The following CYRIA variants were observed in gnomAD, a reference collection of about 807,000 sequenced individuals.
CYRIA encodes the protein CYFIP-related Rac1 interactor A.
CYRIA carries 15 observed loss-of-function variants against 43.9 expected under a neutral mutation model. The observed-to-expected ratio is 0.34, with a 90% CI of 0.23 to 0.53. The LOEUF is 0.53. Among genes scored for constraint, CYRIA ranks in the 20% least tolerant of loss-of-function variants. CYRIA has a pLI of 0.94. For missense variants in CYRIA, 236 were observed against 394.2 expected, an observed-to-expected ratio of 0.60 and a Z score of 3.40; for synonymous variants, 117 against 136.0, an observed-to-expected ratio of 0.86 and a Z score of 0.97.
chr2:16,631,184 A>G (rs1669320627), intron 1 of CYRIA, among the ~76,000 whole-genome samples: 1 of 152,220 alleles, frequency 6.6e-6, no homozygotes. Context: ...GAGCTATTAT[A>G]TTTGTGTTCG....
chr2:16,618,077 A>G (rs1232624397), intron 2 of CYRIA, among the ~76,000 whole-genome samples: 2 of 152,170 alleles, frequency 1.3e-5, no homozygotes, highest in Non-Finnish European at 2.9e-5. Context: ...TGAAGGAGAA[A>G]GGAACTCTTT....
At chr2:16,606,257 C>G (rs915498789) in intron 2 of CYRIA, among the ~76,000 whole-genome samples, 5 of 152,134 alleles carry the variant, frequency 3.3e-5, no homozygotes, top group Admixed American at 3.3e-4. Context: ...AACCAGAGCC[C>G]TGGGCACCAC....
Position 16,562,070 on chromosome 2 carries a change from C to G in CYRIA, c.370G>C (p.Glu124Gln). ...GCAAACTCCTTTGCCAGGGCCTGTTCCCTTTCCAGGTGTTGGGTTGGTGTG... is the reference window on the plus strand; with the variant it reads ...GCAAACTCCTTTGCCAGGGCCTGTTGCCTTTCCAGGTGTTGGGTTGGTGTG... Reference protein sequence around the residue: ...PYTPTQHLEREQALAKEFAEI... With the variant: ...PYTPTQHLERQQALAKEFAEI... Residue 124 changes from glutamate to glutamine, a missense_variant, in exon 6 of 12, where the codon GAA (glutamate) becomes CAA (glutamine). Physicochemically the swap from Glu to Gln is conservative, Grantham distance 29 (BLOSUM62 2). Transcript: ENST00000381323. 3 of 1,613,610 alleles carry G rather than the reference C, an allele frequency of 1.9e-6. No homozygotes were observed.
chr2:16,555,738 A>T (rs1666485550), intron 10 of CYRIA, among the ~76,000 whole-genome samples: 1 of 152,112 alleles, frequency 6.6e-6, no homozygotes, highest in Non-Finnish European at 1.5e-5. Flanking sequence ...TCTGTCATTT[A>T]TCAGAGAAAC....
chr2:16,661,764 A>G (rs946423701), intron 1 of CYRIA, among the ~76,000 whole-genome samples: 1 of 152,168 alleles, frequency 6.6e-6, no homozygotes, highest in African/African-American at 2.4e-5. Flanking sequence ...GCTGTGTACT[A>G]CGGCACAAAG....
At chr2:16,637,924 G>A (rs1036662448) in intron 1 of CYRIA, among the ~76,000 whole-genome samples, 1 of 152,168 alleles carries the variant, frequency 6.6e-6, no homozygotes, top group East Asian at 1.9e-4. Flanking sequence ...CTTCACCAGG[G>A]ACTGTGTCCA....
chr2:16,561,847 T>C (rs548929502), intron 6 of CYRIA, among the ~76,000 whole-genome samples, 158 bp downstream of exon 6: 3 of 152,274 alleles, frequency 2.0e-5, no homozygotes, highest in African/African-American at 4.8e-5. Context: ...TTTTACCACA[T>C]GGAATGCAAA....
At chr2:16,637,829 C>T (rs879728744) in intron 1 of CYRIA, among the ~76,000 whole-genome samples, 7 of 152,138 alleles carry the variant, frequency 4.6e-5, no homozygotes, top group Non-Finnish European at 7.3e-5. Flanking sequence ...GATGCAGAGA[C>T]AAAGGTCCAG....
intron 1 of CYRIA, among the ~76,000 whole-genome samples, chr2:16,663,697 G>T (rs900815859): frequency 1.9e-4 from 29 of 152,068 alleles, no homozygotes; most frequent in African/African-American, 7.0e-4. Flanking sequence ...AAGTGGCTTT[G>T]CTCTGCTCTC....
chr2:16,636,874 G>C (rs1384821817), intron 1 of CYRIA, among the ~76,000 whole-genome samples: 1 of 152,174 alleles, frequency 6.6e-6, no homozygotes, highest in East Asian at 1.9e-4. Context: ...TACTAGGAAG[G>C]CTGAGGTGGC....
At chr2:16,632,807 G>A (rs761164622) in intron 1 of CYRIA, among the ~76,000 whole-genome samples, 5 of 152,074 alleles carry the variant, frequency 3.3e-5, no homozygotes, top group Non-Finnish European at 1.5e-5. Flanking sequence ...TGGCAATTGC[G>A]CTCCAGACAA....
At chr2:16,617,576 A>G (rs1668846841) in intron 2 of CYRIA, among the ~76,000 whole-genome samples, 1 of 152,252 alleles carries the variant, frequency 6.6e-6, no homozygotes, top group African/African-American at 2.4e-5. Flanking sequence ...TAGCTGCCTC[A>G]TTAAGGCCTG....
chr2:16,654,116 A>T (rs1246345268), intron 1 of CYRIA, among the ~76,000 whole-genome samples: 1 of 152,196 alleles, frequency 6.6e-6, no homozygotes, highest in African/African-American at 2.4e-5. Flanking sequence ...TGGTTCAACA[A>T]GGAGTGTTTC....
intron 2 of CYRIA, among the ~76,000 whole-genome samples, chr2:16,608,707 A>G (rs1422171680): frequency 2.0e-5 from 3 of 152,258 alleles, no homozygotes; most frequent in Admixed American, 6.5e-5. Context: ...TTAGTGTAGC[A>G]TCTGGCATGC....
intron 2 of CYRIA, among the ~76,000 whole-genome samples, chr2:16,603,902 G>A (rs528385616): frequency 1.3e-5 from 2 of 152,260 alleles, no homozygotes; most frequent in East Asian, 1.9e-4. Flanking sequence ...TATGTTACAC[G>A]GTTTTTATTT....
At chr2:16,582,430 G>A (rs1558412658) in intron 3 of CYRIA, among the ~76,000 whole-genome samples, 1 of 152,058 alleles carries the variant, frequency 6.6e-6, no homozygotes, top group Non-Finnish European at 1.5e-5. Flanking sequence ...TCTTAGTGTT[G>A]TGCAACCATC....
At chr2:16,624,683 C>G (rs1018392546) in intron 1 of CYRIA, among the ~76,000 whole-genome samples, 2 of 152,138 alleles carry the variant, frequency 1.3e-5, no homozygotes, top group Non-Finnish European at 2.9e-5. Flanking sequence ...CCATGAGTAT[C>G]ATTTATTGCA....
chr2:16,578,090 G>A (rs1387464163), intron 3 of CYRIA, among the ~76,000 whole-genome samples: 1 of 152,212 alleles, frequency 6.6e-6, no homozygotes, highest in African/African-American at 2.4e-5. Flanking sequence ...GCCTTCTGAA[G>A]CCTGAAGATG....
intron 3 of CYRIA, among the ~76,000 whole-genome samples, chr2:16,583,998 A>G (rs1340507011): frequency 6.6e-6 from 1 of 152,192 alleles, no homozygotes; most frequent in East Asian, 1.9e-4. Flanking sequence ...TTCTACCACT[A>G]ACTTCAAAAA....
Sources: allele counts gnomAD v4.1 joint callset (sites outside exome capture counted in the v4.1 genomes callset), GRCh38; gene constraint gnomAD v4.1.1; transcripts MANE v1.5; gene names NCBI Gene and HGNC (gene_info 2026-07-23, HGNC 2026-07-21).